The following ANKS1B variants were observed in gnomAD, a reference collection of about 807,000 sequenced individuals.
The protein encoded by ANKS1B is ankyrin repeat and sterile alpha motif domain containing 1B.
A neutral mutation model predicts 148.3 loss-of-function variants in ANKS1B; 36 were observed. The ratio of observed to expected loss-of-function variants is 0.24; its 90% CI spans 0.19 to 0.32. The LOEUF (loss-of-function observed/expected upper bound fraction) is 0.32. ANKS1B is among the 10% of genes least tolerant of loss of function. The probability of loss-of-function intolerance (pLI) is 1.00; values close to 1 mark genes in which losing one functional copy is unlikely to be tolerated. For synonymous variants in ANKS1B, 542 were observed against 560.8 expected (o/e 0.97, Z 0.47); for missense variants, 1,157 against 1,542.6 (o/e 0.75, Z 4.19).
At chr12:99,060,653 TCACACACACACACACACACACACA>T (rs35515489) in intron 16 of ANKS1B, among the ~76,000 whole-genome samples, 6 of 126,098 alleles carry the variant, frequency 4.8e-5, no homozygotes, top group African/African-American at 1.5e-4. Context: ...TATATACACA[TCACACACACACACACACACACACA>T]CACACACACA....
rs1050495894 is a variant in ANKS1B at position 99,297,902 on chromosome 12, T to A, written c.1757-51038A>T. On this transcript the variant is annotated intron_variant, in intron 12 of 26. Transcript: ENST00000683438. ...TAACCAAGTTTCCCTGTGGCTTAGA[T>A]ACCTTTTTTTTTTGCTTTGTTTTTA... Among the ~76,000 whole-genome samples, 4 of 152,016 alleles carry A rather than the reference T, an allele frequency of 2.6e-5. No homozygotes were observed. In the East Asian group the frequency reaches 7.7e-4, roughly 29 times the overall value.
intron 9 of ANKS1B, among the ~76,000 whole-genome samples, chr12:99,599,831 T>C (rs897404961): frequency 3.3e-5 from 5 of 152,080 alleles, no homozygotes; most frequent in Non-Finnish European, 5.9e-5. Context: ...GATAAATTGA[T>C]ATGAAAGTCT....
At chr12:99,932,952 T>C (rs1327559307) in intron 1 of ANKS1B, among the ~76,000 whole-genome samples, 1 of 152,164 alleles carries the variant, frequency 6.6e-6, no homozygotes, top group Non-Finnish European at 1.5e-5. Flanking sequence ...TGGCAAGAGA[T>C]AGGGGTCCAG....
intron 17 of ANKS1B, among the ~76,000 whole-genome samples, chr12:98,999,575 A>G (rs2099931741): frequency 6.6e-6 from 1 of 152,218 alleles, no homozygotes; most frequent in Non-Finnish European, 1.5e-5. Context: ...CCCTGATTCT[A>G]GGCCAAAGGT....
chr12:99,733,538 A>G (rs1293597722), intron 8 of ANKS1B, among the ~76,000 whole-genome samples: 1 of 152,210 alleles, frequency 6.6e-6, no homozygotes, highest in Non-Finnish European at 1.5e-5. Context: ...AACTTTACAT[A>G]TATTACCCAT....
intron 25 of ANKS1B, among the ~76,000 whole-genome samples, chr12:98,772,565 C>G (rs2153478009): frequency 6.6e-6 from 1 of 152,258 alleles, no homozygotes; most frequent in African/African-American, 2.4e-5. Flanking sequence ...AGAGCTTGTG[C>G]AGGGGAACTC....
intron 15 of ANKS1B, among the ~76,000 whole-genome samples, chr12:99,139,446 T>TTCTTTCTTTCTTTCTTTCTC (rs1566380416): frequency 4.3e-5 from 3 of 68,988 alleles, no homozygotes; most frequent in African/African-American, 2.5e-4. Context: ...TTCTTTTTCT[T>TTCTTTCTTTCTTTCTTTCTC]TCTTTCTTTC....
chr12:99,908,484 G>T (rs2093876449), intron 1 of ANKS1B, among the ~76,000 whole-genome samples: 1 of 152,094 alleles, frequency 6.6e-6, no homozygotes, highest in African/African-American at 2.4e-5. Flanking sequence ...AGAGTCTGAG[G>T]TGAGAGAATC....
intron 17 of ANKS1B, among the ~76,000 whole-genome samples, chr12:98,863,890 T>C (rs1373928603): frequency 1.3e-5 from 2 of 152,224 alleles, no homozygotes; most frequent in African/African-American, 4.8e-5. Flanking sequence ...GTCAGACAAA[T>C]ACCTTTTAAT....
At chr12:99,063,038 G>A (rs1411407487) in intron 16 of ANKS1B, among the ~76,000 whole-genome samples, 1 of 152,136 alleles carries the variant, frequency 6.6e-6, no homozygotes, top group Non-Finnish European at 1.5e-5. Context: ...GGCAAGAGCT[G>A]TCGCCTGTGT....
chr12:99,373,137 T>C (rs948842949), intron 12 of ANKS1B, among the ~76,000 whole-genome samples: 2 of 152,150 alleles, frequency 1.3e-5, no homozygotes, highest in Admixed American at 1.3e-4. Flanking sequence ...TACTTACCCC[T>C]GGAGTTCCAT....
intron 17 of ANKS1B, among the ~76,000 whole-genome samples, chr12:98,934,733 G>T (rs1036647127): frequency 6.6e-6 from 1 of 151,804 alleles, no homozygotes; most frequent in South Asian, 2.1e-4. Context: ...ATTGTAAATA[G>T]AATTTTTTTC....
Position 99,382,785 on chromosome 12 carries a change from C to T in ANKS1B, c.1756+16846G>A, listed in dbSNP as rs918203611. 5.9e-5 allele frequency among the ~76,000 whole-genome samples: 9 copies of T among 151,664 alleles called. No homozygotes were observed. The East Asian group carries it at 1.7e-3, about 29-fold the overall frequency. On this transcript the variant is annotated intron_variant, in intron 12 of 26. Coordinates refer to ENST00000683438, the MANE Select transcript of ANKS1B (RefSeq NM_001352186.2). ...TTAAGTGTAATGTCATGACTGCTGG[C>T]CCCAAAAGACTTTTAAATGCTTTTA...
intron 8 of ANKS1B, among the ~76,000 whole-genome samples, chr12:99,746,836 G>A (rs1019808443): frequency 6.6e-6 from 1 of 152,062 alleles, no homozygotes; most frequent in Non-Finnish European, 1.5e-5. Flanking sequence ...TGTATAACAT[G>A]TAACATGACT....
At chr12:99,892,662 T>C (rs939438959) in intron 1 of ANKS1B, among the ~76,000 whole-genome samples, 1 of 152,168 alleles carries the variant, frequency 6.6e-6, no homozygotes, top group African/African-American at 2.4e-5. Flanking sequence ...TGAAAGTAGA[T>C]TTAAGAAAAT....
At chr12:98,767,230 AGTGTTTTTCT>A (rs2098495981) in intron 25 of ANKS1B, among the ~76,000 whole-genome samples, 1 of 152,172 alleles carries the variant, frequency 6.6e-6, no homozygotes, top group Non-Finnish European at 1.5e-5. Flanking sequence ...GGTTGATGCT[AGTGTTTTTCT>A]TGCCCCACAC....
At position 98,745,395 on chromosome 12, in the gene ANKS1B, TTTTTA is replaced by T. The variant is rs2097858465; in HGVS notation, c.*339_*343del. On this transcript the variant is annotated 3_prime_UTR_variant, in exon 27 of 27. Transcript: ENST00000683438. ...CTTTACTTTTTTTTTTTTTTTTTTT[TTTTTA>T]AAGAAAAGGTATTATTTTCCCCAAA... The T allele has an allele frequency of 2.1e-5, 21 of 986,574 alleles. No individual in the cohort carries two copies. In the South Asian group the frequency reaches 7.9e-4, roughly 37 times the overall value. The allele number at this position is 986,574 out of a possible 1,614,324, so 61.1% of individuals were successfully genotyped here. A position where few individuals can be genotyped will look rare whatever the true frequency, so the allele number is the denominator to read the frequency against.
At chr12:99,186,375 T>G (rs1468394034) in intron 14 of ANKS1B, among the ~76,000 whole-genome samples, 1 of 152,106 alleles carries the variant, frequency 6.6e-6, no homozygotes, top group Non-Finnish European at 1.5e-5. Context: ...CCCGGCACAT[T>G]GATTGAGCTC....
At chr12:99,540,037 C>G (rs2097110029) in intron 9 of ANKS1B, among the ~76,000 whole-genome samples, 1 of 151,926 alleles carries the variant, frequency 6.6e-6, no homozygotes, top group South Asian at 2.1e-4. Context: ...AACAAATAGA[C>G]TTTGAGACAA....
Sources: gnomAD v4.1 joint callset for allele counts (sites outside exome capture counted in the v4.1 genomes callset) on GRCh38, gnomAD v4.1.1 for gene constraint, MANE v1.5 for transcripts, NCBI Gene and HGNC (gene_info 2026-07-23, HGNC 2026-07-21) for gene names.